RIMBP2: variants seen among roughly 807,000 people sequenced by gnomAD.
The protein encoded by RIMBP2 is RIMS-binding protein 2.
Under a neutral mutation model 118.6 loss-of-function variants are expected in RIMBP2, and 48 were observed. The observed-to-expected ratio is 0.40, with a 90% CI of 0.32 to 0.51. The LOEUF is 0.51. Among genes scored for constraint, RIMBP2 ranks in the 20% least tolerant of loss-of-function variants. RIMBP2 has a pLI of 0.41. For missense variants in RIMBP2, 1,551 were observed against 1,768.3 expected (o/e 0.88, Z 2.20); for synonymous variants, 762 against 742.9 (o/e 1.03, Z -0.42).
chr12:130,448,593 C>A (rs1187405706), intron 9 of RIMBP2, among the ~76,000 whole-genome samples: 1 of 152,252 alleles, frequency 6.6e-6, no homozygotes. Context: ...ACAGCAAGAA[C>A]CGGACTGAAG....
intron 2 of RIMBP2, among the ~76,000 whole-genome samples, chr12:130,582,511 C>G (rs957137415): frequency 6.6e-6 from 1 of 152,212 alleles, no homozygotes; most frequent in Non-Finnish European, 1.5e-5. Flanking sequence ...AGGGATGACG[C>G]ATGGCACCAT....
At chr12:130,689,828 T>C (rs2065234491) in intron 1 of RIMBP2, among the ~76,000 whole-genome samples, 1 of 152,150 alleles carries the variant, frequency 6.6e-6, no homozygotes. Context: ...AACAGCCCCA[T>C]GTGTTAGCTC....
At chr12:130,551,295 G>T (rs912841811) in intron 2 of RIMBP2, among the ~76,000 whole-genome samples, 2 of 152,152 alleles carry the variant, frequency 1.3e-5, no homozygotes, top group Non-Finnish European at 2.9e-5. Flanking sequence ...GGCATCAGAG[G>T]GGCTTAAATG....
At chr12:130,546,088 T>C (rs2055117310) in intron 2 of RIMBP2, among the ~76,000 whole-genome samples, 1 of 142,122 alleles carries the variant, frequency 7.0e-6, no homozygotes, top group South Asian at 2.2e-4. Context: ...ATTACAAATA[T>C]CACTGCTTCT....
At chr12:130,414,915 C>T (rs12823530) in intron 17 of RIMBP2, among the ~76,000 whole-genome samples, 39,795 of 152,046 alleles carry the variant, frequency 0.26, 5,540 homozygotes, top group Middle Eastern at 0.36. Context: ...AGGAAGAAAT[C>T]GAAACCCTGA....
chr12:130,535,492 C>T (rs980205623), intron 2 of RIMBP2, among the ~76,000 whole-genome samples: 2 of 151,864 alleles, frequency 1.3e-5, no homozygotes, highest in Non-Finnish European at 2.9e-5. Context: ...TCAGCCTGGG[C>T]AAGCAACAGA....
intron 1 of RIMBP2, among the ~76,000 whole-genome samples, chr12:130,715,551 C>T (rs2136938100): frequency 6.6e-6 from 1 of 152,342 alleles, no homozygotes; most frequent in South Asian, 2.1e-4. Context: ...GAGTCTGCCC[C>T]CGGCCAGCAG....
chr12:130,434,632 C>T lies in RIMBP2; in HGVS notation c.2253+102G>A. 1 of 1,316,076 alleles carries T rather than the reference C, an allele frequency of 7.6e-7. No individual in the cohort carries two copies. Among genetic ancestry groups the T allele is most frequent in the Admixed American group, 2.4e-5 (1 of 41,130 alleles). The allele number at this position is 1,316,076 out of a possible 1,614,324, so 81.5% of individuals were successfully genotyped here. On this transcript the variant is annotated intron_variant, in intron 14 of 22. Coordinates refer to ENST00000690449, the MANE Select transcript of RIMBP2 (RefSeq NM_001393629.1). The surrounding 1 kb of genome is among the most constrained non-coding windows in gnomAD (Gnocchi z 5.7). Reference sequence around the variant, plus strand: ...GGGCGTCTCCATCTCTCTCAGGGACCCAAGGGTAGCGGGGAAAGTGCCCAT... The same window carrying T: ...GGGCGTCTCCATCTCTCTCAGGGACTCAAGGGTAGCGGGGAAAGTGCCCAT...
chr12:130,514,725 T>C (rs2051264957), intron 3 of RIMBP2, among the ~76,000 whole-genome samples: 1 of 152,116 alleles, frequency 6.6e-6, no homozygotes, highest in South Asian at 2.1e-4. Context: ...TGAAGAAAAA[T>C]ACTCCTGTCC....
At chr12:130,685,250 G>A (rs7953766) in intron 1 of RIMBP2, among the ~76,000 whole-genome samples, 9,450 of 152,030 alleles carry the variant, frequency 0.062, 964 homozygotes, top group African/African-American at 0.21. Context: ...TTACCTCTCC[G>A]TCTCCAGATG....
chr12:130,401,094 A>G (rs577729745), intron 21 of RIMBP2, among the ~76,000 whole-genome samples: 2 of 152,178 alleles, frequency 1.3e-5, no homozygotes, highest in Middle Eastern at 3.4e-3. Flanking sequence ...CTACTGAACT[A>G]TATACTTAAA....
intron 2 of RIMBP2, among the ~76,000 whole-genome samples, chr12:130,535,170 T>C (rs2053877147): frequency 6.6e-6 from 1 of 152,006 alleles, no homozygotes; most frequent in Non-Finnish European, 1.5e-5. Flanking sequence ...CTCTGTTCTC[T>C]GGGGCTGATG....
chr12:130,523,995 T>C lies in RIMBP2; in HGVS notation c.-216-6078A>G, dbSNP rs771462779. On this transcript the variant is annotated intron_variant, in intron 2 of 22. Transcript: ENST00000690449. This position sits in a 1 kb window ranked among gnomAD's most constrained non-coding sequence, Gnocchi z 4.4. The stretch of plus-strand genomic sequence containing the variant: ...ATCCACGCTACAGGATTCAAAACCA[T>C]GAACATCCAATCTCCTGGCCACACT... Among the ~76,000 whole-genome samples, 1 of 152,102 alleles carries C rather than the reference T, an allele frequency of 6.6e-6. No homozygotes were observed. Among genetic ancestry groups the C allele is most frequent in the Non-Finnish European group, 1.5e-5 (1 of 68,002 alleles).
chr12:130,646,442 G>GCCTCTCCACCTCCCTCACCACCTCCCTCA (rs2062973419), intron 1 of RIMBP2, among the ~76,000 whole-genome samples: 1 of 4,622 alleles, frequency 2.2e-4, no homozygotes, highest in Non-Finnish European at 6.0e-4. Context: ...CACCTCCCTT[G>GCCTCTCCACCTCCCTCACCACCTCCCTCA]CCACCTCCCT....
At chr12:130,567,909 A>C (rs889796309) in intron 2 of RIMBP2, among the ~76,000 whole-genome samples, 4 of 151,872 alleles carry the variant, frequency 2.6e-5, no homozygotes, top group African/African-American at 9.7e-5. Context: ...GCCTCACCTG[A>C]TACACCTGTG....
chr12:130,668,755 TTCTC>T (rs60988546), intron 1 of RIMBP2, among the ~76,000 whole-genome samples: 4,771 of 152,282 alleles, frequency 0.031, 76 homozygotes, highest in African/African-American at 0.044. Flanking sequence ...GCTTAACTCT[TTCTC>T]TCTCTGGGCA....
intron 1 of RIMBP2, among the ~76,000 whole-genome samples, chr12:130,700,846 G>A (rs1475260163): frequency 6.6e-6 from 1 of 152,196 alleles, no homozygotes; most frequent in Non-Finnish European, 1.5e-5. Flanking sequence ...CACCTCCTGT[G>A]CACACCTTGT....
At chr12:130,406,292 G>A (rs779134541) in intron 20 of RIMBP2, 49 bp from the exon 21 acceptor site, 3 of 1,291,040 alleles carry the variant, frequency 2.3e-6, no homozygotes, top group Non-Finnish European at 2.2e-6. Context: ...CACAACAGTA[G>A]TAGTTTTTTA....
At chr12:130,615,194 A>G (rs1297140859) in intron 2 of RIMBP2, among the ~76,000 whole-genome samples, 1 of 146,588 alleles carries the variant, frequency 6.8e-6, no homozygotes, top group African/African-American at 2.5e-5. Context: ...TTACAATATT[A>G]CAACATATAC....
Sources: gnomAD v4.1 joint callset for allele counts (sites outside exome capture counted in the v4.1 genomes callset) on GRCh38, gnomAD v4.1.1 for gene constraint, Gnocchi (gnomAD v3.1) non-coding constraint, MANE v1.5 for transcripts, NCBI Gene and HGNC (gene_info 2026-07-23, HGNC 2026-07-21) for gene names.